BAZ2B: variants seen among roughly 807,000 people sequenced by gnomAD.
BAZ2B encodes the protein bromodomain adjacent to zinc finger domain protein 2B.
BAZ2B carries 91 observed loss-of-function variants against 246.0 expected under a neutral mutation model. That is an observed-to-expected ratio of 0.37 (90% CI 0.31 to 0.44). The LOEUF (loss-of-function observed/expected upper bound fraction) is 0.44. BAZ2B is among the 20% of genes least tolerant of loss of function. The probability of loss-of-function intolerance (pLI) is 1.00; values close to 1 mark genes in which losing one functional copy is unlikely to be tolerated. For synonymous variants in BAZ2B, 855 were observed against 860.0 expected, an observed-to-expected ratio of 0.99 and a Z score of 0.10; for missense variants, 2,332 against 2,533.7, an observed-to-expected ratio of 0.92 and a Z score of 1.71.
At chr2:159,429,077 C>T (rs1304048090) in intron 11 of BAZ2B, 123 bp downstream of exon 11, 1 of 603,660 alleles carries the variant, frequency 1.7e-6, no homozygotes, top group East Asian at 3.2e-5. Context: ...CTCTTCTGCT[C>T]TAATAAATAC....
intron 2 of BAZ2B, among the ~76,000 whole-genome samples, chr2:159,528,350 GA>G (rs905054631): frequency 1.2e-4 from 18 of 151,924 alleles, no homozygotes; most frequent in African/African-American, 4.3e-4. Flanking sequence ...TATTTAGGGG[GA>G]AAAAAAGAAA....
At chr2:159,329,692 C>G (rs2064379367) in intron 34 of BAZ2B, among the ~76,000 whole-genome samples, 1 of 152,070 alleles carries the variant, frequency 6.6e-6, no homozygotes, top group African/African-American at 2.4e-5. Context: ...CATTATATAT[C>G]AAAATCAATG....
intron 2 of BAZ2B, among the ~76,000 whole-genome samples, chr2:159,492,682 T>C (rs1264816698): frequency 6.6e-6 from 1 of 152,232 alleles, no homozygotes; most frequent in Non-Finnish European, 1.5e-5. Context: ...ACACTGTAAC[T>C]ATTAAGTTAT....
the BAZ2B span, among the ~76,000 whole-genome samples, chr2:159,702,909 A>C: frequency 1.3e-5 from 2 of 151,650 alleles, no homozygotes; most frequent in African/African-American, 4.8e-5. Context: ...GCGTGGTGGC[A>C]GGCACCTGTA....
chr2:159,494,399 T>A (rs948178415), intron 2 of BAZ2B, among the ~76,000 whole-genome samples: 2 of 152,202 alleles, frequency 1.3e-5, no homozygotes, highest in East Asian at 1.9e-4. Flanking sequence ...TACTAGCTGC[T>A]ATATTAAAAT....
chr2:159,453,810 G>GA lies in BAZ2B; in HGVS notation c.146-10dup. ...TGTTCTGAATAAATGTCCTGGGAGGGAAAAAAACACACTTAAAGTTGTACT... is the reference window on the plus strand; with the variant it reads ...TGTTCTGAATAAATGTCCTGGGAGGGAAAAAAAACACACTTAAAGTTGTACT... On this transcript the variant is annotated splice_polypyrimidine_tract_variant and intron_variant, in intron 3 of 36. Transcript: ENST00000392783. 12 of 1,560,854 alleles carry GA rather than the reference G, an allele frequency of 7.7e-6. No individual in the cohort carries two copies. Among genetic ancestry groups the GA allele is most frequent in the South Asian group, 2.5e-5 (2 of 81,186 alleles).
the BAZ2B span, among the ~76,000 whole-genome samples, chr2:159,687,510 A>G: frequency 1.3e-5 from 2 of 152,228 alleles, no homozygotes; most frequent in Non-Finnish European, 2.9e-5. Flanking sequence ...AGGTTCAGAG[A>G]GGTTCCAGGT....
At chr2:159,670,393 T>C in the BAZ2B span, among the ~76,000 whole-genome samples, 1 of 152,232 alleles carries the variant, frequency 6.6e-6, no homozygotes, top group African/African-American at 2.4e-5. Context: ...AGGATCACAA[T>C]ATACATCTCT....
intron 2 of BAZ2B, among the ~76,000 whole-genome samples, chr2:159,500,744 A>G (rs2081613438): frequency 6.6e-6 from 1 of 152,176 alleles, no homozygotes; most frequent in Admixed American, 6.5e-5. Flanking sequence ...ACCTGAAGTC[A>G]GGAATTCGAG....
At chr2:159,699,409 G>T in the BAZ2B span, among the ~76,000 whole-genome samples, 1 of 151,934 alleles carries the variant, frequency 6.6e-6, no homozygotes, top group South Asian at 2.1e-4. Flanking sequence ...TGGTGGTGCA[G>T]GCCTGTAGTC....
chr2:159,396,888 T>TTCAA (rs2064106267), intron 19 of BAZ2B, among the ~76,000 whole-genome samples: 1 of 152,142 alleles, frequency 6.6e-6, no homozygotes, highest in Admixed American at 6.6e-5. Context: ...ATGTAAAATC[T>TTCAA]TGGAGATGCA....
intron 19 of BAZ2B, 39 bp from the exon 20 acceptor site, chr2:159,395,873 C>T: frequency 1.3e-6 from 2 of 1,526,152 alleles, no homozygotes; most frequent in East Asian, 2.3e-5. Flanking sequence ...AACTCAGCCA[C>T]AATTAACAGT....
At chr2:159,382,868 A>G (rs943006424) in intron 24 of BAZ2B, 66 bp from the exon 25 acceptor site, 2 of 1,545,700 alleles carry the variant, frequency 1.3e-6, no homozygotes, top group African/African-American at 2.7e-5. Context: ...TAAAAGAGCA[A>G]AACATGAGTT....
At chr2:159,460,613 G>A (rs1268341625) in intron 3 of BAZ2B, 3 of 152,042 alleles carry the variant, frequency 2.0e-5, no homozygotes, top group Non-Finnish European at 4.4e-5. Flanking sequence ...ATTAAAAATG[G>A]TGGTATATTC....
At chr2:159,379,209 T>C (rs1050644893) in intron 25 of BAZ2B, among the ~76,000 whole-genome samples, 1 of 152,124 alleles carries the variant, frequency 6.6e-6, no homozygotes. Context: ...CTTGAGGACA[T>C]TATGCAAAGT....
the BAZ2B span, among the ~76,000 whole-genome samples, chr2:159,701,081 T>C: frequency 1.3e-5 from 2 of 152,194 alleles, no homozygotes; most frequent in East Asian, 1.9e-4. Context: ...CGTTTTACTA[T>C]ACTAAATAGA....
chr2:159,702,619 G>C, the BAZ2B span, among the ~76,000 whole-genome samples: 2 of 151,916 alleles, frequency 1.3e-5, no homozygotes, highest in South Asian at 4.2e-4. Flanking sequence ...GAAGCCTAAT[G>C]CAAAACAGTC....
At chr2:159,381,426 G>C (rs1219617898) in intron 25 of BAZ2B, among the ~76,000 whole-genome samples, 2 of 152,006 alleles carry the variant, frequency 1.3e-5, no homozygotes, top group African/African-American at 4.8e-5. Context: ...ACAATAGCAT[G>C]AAGTCTTCCA....
At chr2:159,593,519 G>A (rs906489702) in intron 1 of BAZ2B, among the ~76,000 whole-genome samples, 1 of 152,168 alleles carries the variant, frequency 6.6e-6, no homozygotes, top group East Asian at 1.9e-4. Flanking sequence ...CATTTTCACT[G>A]TGAGGCTTCA....
Sources: allele counts gnomAD v4.1 joint callset (sites outside exome capture counted in the v4.1 genomes callset), GRCh38; gene constraint gnomAD v4.1.1; transcripts MANE v1.5; gene names NCBI Gene and HGNC (gene_info 2026-07-23, HGNC 2026-07-21).